MBOAT7: variants seen among roughly 807,000 people sequenced by gnomAD.
MBOAT7 encodes membrane bound acylglycerophosphatidylinositol O-acyltransferase MBOAT7.
Under a neutral mutation model 47.4 loss-of-function variants are expected in MBOAT7, and 40 were observed. The ratio of observed to expected loss-of-function variants is 0.84; its 90% CI spans 0.66 to 1.10. The LOEUF is 1.10. MBOAT7 is among the 50% of genes least tolerant of loss of function. The pLI is 0.00. For missense variants in MBOAT7, 680 were observed against 655.6 expected (o/e 1.04, Z -0.41); for synonymous variants, 361 against 292.0 (o/e 1.24, Z -2.41).
intron 3 of MBOAT7, 72 bp downstream of exon 3, chr19:54,188,145 A>G: frequency 2.0e-6 from 3 of 1,467,324 alleles, no homozygotes; most frequent in Non-Finnish European, 2.7e-6. Context: ...AAGCTGAAAA[A>G]GACTCAAAGA....
chr19:54,183,774 G>C, intron 4 of MBOAT7, 94 bp from the exon 5 acceptor site: 1 of 1,287,748 alleles, frequency 7.8e-7, no homozygotes, highest in Non-Finnish European at 1.0e-6. Flanking sequence ...CAGCCAAGGG[G>C]TGCTGGGTGC....
chr19:54,180,747 G>C lies in MBOAT7; in HGVS notation c.854+26C>G. On this transcript the variant is annotated intron_variant, in intron 6 of 7. Transcript: ENST00000245615. The surrounding 1 kb of genome is among the most constrained non-coding windows in gnomAD (Gnocchi z 5.2). ...TTGGAGGTGGGGGCTGCTGGGTCTT[G>C]GGAAGCCTCCCTCGCGCCGCCTGAC... The C allele has an allele frequency of 6.7e-7, 1 of 1,484,568 alleles. No individual in the cohort carries two copies. The highest frequency in any genetic ancestry group is 8.9e-7 in the Non-Finnish European group (1 of 1,125,278). 92.0% of individuals were successfully genotyped at this position (1,484,568 alleles called of 1,614,324 possible). A position where few individuals can be genotyped will look rare whatever the true frequency, so the allele number is the denominator to read the frequency against.
chr19:54,187,422 G>A (rs771072306), intron 3 of MBOAT7, 135 bp from the exon 4 acceptor site: 2 of 1,134,800 alleles, frequency 1.8e-6, no homozygotes, highest in Non-Finnish European at 2.4e-6. Context: ...AGGGCAGAGA[G>A]GACAGGAGGG....
rs746884208 is a variant in MBOAT7 at position 54,174,449 on chromosome 19, A to G, written c.1032-18T>C. 6.6e-7 allele frequency: 1 copy of G among 1,516,670 alleles called. No individual in the cohort carries two copies. Among genetic ancestry groups the G allele is most frequent in the Non-Finnish European group, 8.8e-7 (1 of 1,134,714 alleles). The allele number at this position is 1,516,670 out of a possible 1,614,324, so 94.0% of individuals were successfully genotyped here. ...AGGCGCTCCTGAGGAGGAGGCTGGGAGTCAGGACCTACGAGTCCAGGTCCC... is the reference window on the plus strand; with the variant it reads ...AGGCGCTCCTGAGGAGGAGGCTGGGGGTCAGGACCTACGAGTCCAGGTCCC... On this transcript the variant is annotated intron_variant, in intron 7 of 7. Coordinates refer to ENST00000245615, the MANE Select transcript of MBOAT7 (RefSeq NM_024298.5).
chr19:54,177,877 G>T (rs2076151473), intron 7 of MBOAT7, among the ~76,000 whole-genome samples: 1 of 140,714 alleles, frequency 7.1e-6, no homozygotes, highest in African/African-American at 2.7e-5. Flanking sequence ...GAGCCACCAT[G>T]CCTGGCTATG....
At position 54,189,552 on chromosome 19, in the gene MBOAT7, G is replaced by A. The variant is rs1237394471; in HGVS notation, c.-218C>T. 1.3e-5 allele frequency: 2 copies of A among 152,706 alleles called. No individual in the cohort carries two copies. Among genetic ancestry groups the A allele is most frequent in the Admixed American group, 6.5e-5 (1 of 15,278 alleles). The allele number at this position is 152,706 out of a possible 1,614,324, so 9.5% of individuals were successfully genotyped here. ...GAGCAGAAGCCGAGAGCGCGAGTCG[G>A]CAACGGGATTCGAGTCCAGGTCCAC... On this transcript the variant is annotated 5_prime_UTR_variant, in exon 1 of 8. Coordinates refer to ENST00000245615, the MANE Select transcript of MBOAT7 (RefSeq NM_024298.5).
chr19:54,178,678 C>T (rs1250744435), intron 7 of MBOAT7, 87 bp downstream of exon 7: 2 of 1,531,940 alleles, frequency 1.3e-6, no homozygotes, highest in African/African-American at 2.7e-5. Flanking sequence ...GGGGCAGGGG[C>T]CCAGCCAGGG....
At chr19:54,177,516 TG>T (rs1424166677) in intron 7 of MBOAT7, among the ~76,000 whole-genome samples, 2 of 152,050 alleles carry the variant, frequency 1.3e-5, no homozygotes, top group African/African-American at 4.8e-5. Context: ...AGGATGGTCT[TG>T]ATCTCCTGAC....
In MBOAT7 at chr19:54,180,456, T is replaced by G. The variant is rs1351935022; in HGVS notation, c.854+317A>C. On this transcript the variant is annotated intron_variant, in intron 6 of 7. Coordinates refer to ENST00000245615, the MANE Select transcript of MBOAT7 (RefSeq NM_024298.5). The surrounding 1 kb of genome is among the most constrained non-coding windows in gnomAD (Gnocchi z 5.2). Reference sequence around the variant, plus strand: ...TCCCCAGCAAGCAGGAACAATCTGGTTCTGGGGGGTGACACTTCTGTGGCA... The same window carrying G: ...TCCCCAGCAAGCAGGAACAATCTGGGTCTGGGGGGTGACACTTCTGTGGCA... The G allele has an allele frequency of 2.4e-5, 6 of 244,944 alleles. No individual in the cohort carries two copies. Among genetic ancestry groups the G allele is most frequent in the East Asian group, 7.9e-5 (1 of 12,628 alleles). 15.2% of individuals were successfully genotyped at this position (244,944 alleles called of 1,614,324 possible). A position where few individuals can be genotyped will look rare whatever the true frequency, so the allele number is the denominator to read the frequency against.
rs372522647 is a variant in MBOAT7, at chr19:54,186,920, A to G, written c.333+241T>C. 7.5e-5 allele frequency: 40 copies of G among 532,104 alleles called. No individual in the cohort carries two copies. In the East Asian group the frequency reaches 8.5e-4, roughly 11 times the overall value. The allele number at this position is 532,104 out of a possible 1,614,324, so 33.0% of individuals were successfully genotyped here. The stretch of plus-strand genomic sequence containing the variant: ...GCCTCTGGCACACCGCAAGCACCCA[A>G]TGGCACCTACTGTTACCCTATGTGG... On this transcript the variant is annotated intron_variant, in intron 4 of 7. Transcript: ENST00000245615.
rs1600650924 is a variant in MBOAT7, at chr19:54,180,784, T to G, written c.843A>C (p.Pro281=). The G allele has an allele frequency of 8.0e-6, 11 of 1,367,054 alleles. 1 individual carries two copies. Among genetic ancestry groups the G allele is most frequent in the South Asian group, 2.5e-5 (2 of 79,510 alleles). The allele number at this position is 1,367,054 out of a possible 1,614,324, so 84.7% of individuals were successfully genotyped here. A position where few individuals can be genotyped will look rare whatever the true frequency, so the allele number is the denominator to read the frequency against. The change falls in exon 6 of 8, where the codon CCA becomes CCC. Residue 281 remains proline (P), a synonymous_variant. Coordinates refer to ENST00000245615, the MANE Select transcript of MBOAT7 (RefSeq NM_024298.5). The surrounding 1 kb of genome is among the most constrained non-coding windows in gnomAD (Gnocchi z 5.2). ...TCGCGCCGCCTGACCTGCTGGGGGGTGGGCATTGGAGGGTGGGGCCGCCTC... is the reference window on the plus strand; with the variant it reads ...TCGCGCCGCCTGACCTGCTGGGGGGGGGGCATTGGAGGGTGGGGCCGCCTC... The part of the protein sequence containing the change: ...RAGGGPTLQC[P]PPSSPEKAAS...
At chr19:54,187,438 G>T in intron 3 of MBOAT7, 151 bp from the exon 4 acceptor site, 1 of 932,466 alleles carries the variant, frequency 1.1e-6, no homozygotes, top group Non-Finnish European at 1.6e-6. Context: ...GAGGGTGGAT[G>T]TAGGGACCGA....
intron 1 of MBOAT7, 115 bp from the exon 2 acceptor site, chr19:54,188,626 G>T: frequency 1.0e-6 from 1 of 959,936 alleles, no homozygotes; most frequent in Non-Finnish European, 1.6e-6. Context: ...GAGGATGATG[G>T]AGTATGAGCC....
chr19:54,173,981 G>A lies in MBOAT7; in HGVS notation c.*63C>T, dbSNP rs1431828353. On this transcript the variant is annotated 3_prime_UTR_variant, in exon 8 of 8. Coordinates refer to ENST00000245615, the MANE Select transcript of MBOAT7 (RefSeq NM_024298.5). ...CCAAGGTAAGGACTCTTTCTGGGGAGGAGACAGCAGCCTGGTTCACAGAAT... is the reference window on the plus strand; with the variant it reads ...CCAAGGTAAGGACTCTTTCTGGGGAAGAGACAGCAGCCTGGTTCACAGAAT... 1 of 1,501,678 alleles carries A rather than the reference G, an allele frequency of 6.7e-7. No individual in the cohort carries two copies. Among genetic ancestry groups the A allele is most frequent in the Non-Finnish European group, 8.9e-7 (1 of 1,125,966 alleles). The allele number at this position is 1,501,678 out of a possible 1,614,324, so 93.0% of individuals were successfully genotyped here.
chr19:54,175,090 C>T (rs1025753341), intron 7 of MBOAT7, among the ~76,000 whole-genome samples: 4 of 151,832 alleles, frequency 2.6e-5, no homozygotes, highest in South Asian at 4.2e-4. Context: ...ATTCTCCTGC[C>T]TCAGCCTCCC....
intron 4 of MBOAT7, among the ~76,000 whole-genome samples, chr19:54,186,719 G>C (rs1411443874): frequency 2.0e-5 from 3 of 152,136 alleles, no homozygotes; most frequent in Non-Finnish European, 4.4e-5. Flanking sequence ...GTGGGTCTGG[G>C]GTGGGCCCTA....
chr19:54,178,359 C>A (rs1330390640), intron 7 of MBOAT7: 5 of 1,098,938 alleles, frequency 4.5e-6, no homozygotes, highest in Middle Eastern at 4.0e-4. Flanking sequence ...CACATTTTAT[C>A]ACATTTAGTC....
In MBOAT7 at chr19:54,178,755, G is replaced by A. The variant is rs2076180855; in HGVS notation, c.1031+10C>T. 1.9e-6 allele frequency: 3 copies of A among 1,612,408 alleles called. No individual in the cohort carries two copies. The highest frequency in any genetic ancestry group is 1.3e-5 in the African/African-American group (1 of 74,928). Reference sequence around the variant, plus strand: ...TGCAGTGTCACCTGAGACTGGGCGGGCTCACTCACCGCAGGACATAGGAAC... The same window carrying A: ...TGCAGTGTCACCTGAGACTGGGCGGACTCACTCACCGCAGGACATAGGAAC... On this transcript the variant is annotated intron_variant, in intron 7 of 7. Transcript: ENST00000245615.
intron 4 of MBOAT7, 31 bp downstream of exon 4, chr19:54,187,130 C>T: frequency 6.5e-7 from 1 of 1,539,678 alleles, no homozygotes; most frequent in Non-Finnish European, 8.7e-7. Flanking sequence ...CACAGGGAGG[C>T]TGGAGGGGAG....
Sources: allele counts gnomAD v4.1 joint callset (sites outside exome capture counted in the v4.1 genomes callset), GRCh38; gene constraint gnomAD v4.1.1; non-coding constraint Gnocchi (gnomAD v3.1); transcripts MANE v1.5; gene names NCBI Gene and HGNC (gene_info 2026-07-23, HGNC 2026-07-21).